The following RAMP3 variants were observed in gnomAD, a reference collection of about 807,000 sequenced individuals.
The protein encoded by RAMP3 is receptor activity modifying protein 3.
RAMP3 carries 14 observed loss-of-function variants against 13.5 expected under a neutral mutation model. The ratio of observed to expected loss-of-function variants is 1.04; its 90% confidence interval spans 0.69 to 1.63. RAMP3 has a LOEUF of 1.63. Ranked by LOEUF, RAMP3 falls within the 40% of genes most tolerant of loss-of-function variation. The pLI is 0.00. For missense variants in RAMP3, 200 were observed against 204.8 expected (o/e 0.98, Z 0.14); for synonymous variants, 106 against 88.3 (o/e 1.20, Z -1.12).
intron 1 of RAMP3, among the ~76,000 whole-genome samples, chr7:45,168,927 T>C (rs1584069049): frequency 1.3e-5 from 2 of 152,202 alleles, no homozygotes; most frequent in African/African-American, 4.8e-5. Context: ...GTCATTATCA[T>C]GTTGAGGAAA....
intron 1 of RAMP3, chr7:45,163,499 A>G (rs1785901823): frequency 2.0e-6 from 2 of 985,308 alleles, no homozygotes. Context: ...CTGATTGTGG[A>G]GGAAGAGGGG....
intron 1 of RAMP3, among the ~76,000 whole-genome samples, chr7:45,175,225 G>T (rs1257147665): frequency 6.6e-6 from 1 of 152,188 alleles, no homozygotes; most frequent in Admixed American, 6.5e-5. Flanking sequence ...TGGCCAGAAG[G>T]CCCTGAAACA....
chr7:45,183,112 G>C (rs375302277), intron 2 of RAMP3, 45 bp from the exon 3 acceptor site: 33 of 1,599,138 alleles, frequency 2.1e-5, no homozygotes, highest in Non-Finnish European at 2.8e-5. Context: ...GCAGGTGTGA[G>C]GGGGGATGGC....
intron 2 of RAMP3, among the ~76,000 whole-genome samples, chr7:45,182,648 C>A (rs1186178100): frequency 1.3e-5 from 2 of 152,192 alleles, no homozygotes; most frequent in African/African-American, 4.8e-5. Context: ...GGGACTGGGG[C>A]TCACAGGTCT....
intron 1 of RAMP3, among the ~76,000 whole-genome samples, chr7:45,169,987 A>G (rs752832405): frequency 4.6e-5 from 7 of 152,240 alleles, no homozygotes; most frequent in Non-Finnish European, 8.8e-5. Context: ...TTGTTGGCAT[A>G]TAGCAGTTCA....
At position 45,164,320 on chromosome 7, in the gene RAMP3, G is replaced by A. The variant is rs138651195; in HGVS notation, c.58+6434G>A. 2.0e-3 allele frequency among the ~76,000 whole-genome samples: 301 copies of A among 152,300 alleles called. 1 individual carries two copies. The highest frequency in any genetic ancestry group is 6.9e-3 in the African/African-American group (286 of 41,552). The stretch of plus-strand genomic sequence containing the variant: ...TTCCAGCACTTTGGGAGGCCAAGGC[G>A]AGAGGATCACTGGAGCCTAGCCTGG... On this transcript the variant is annotated intron_variant, in intron 1 of 2. Transcript: ENST00000242249.
In RAMP3 at chr7:45,168,809, A is replaced by C. The variant is rs1786025434; in HGVS notation, c.59-8500A>C. 2.6e-5 allele frequency among the ~76,000 whole-genome samples: 4 copies of C among 152,180 alleles called. No individual in the cohort carries two copies. The South Asian group carries it at 8.3e-4, about 32-fold the overall frequency. On this transcript the variant is annotated intron_variant, in intron 1 of 2. Transcript: ENST00000242249. ...GCTCTGGCTAGAACTTCCAGTAATT[A>C]TGTTGAATAGAAGTGGTGAAACCTG...
chr7:45,174,049 C>G (rs1010306084), intron 1 of RAMP3, among the ~76,000 whole-genome samples: 12 of 152,056 alleles, frequency 7.9e-5, no homozygotes, highest in African/African-American at 2.9e-4. Flanking sequence ...GCACTCCCAG[C>G]TGAGGAAATG....
intron 1 of RAMP3, among the ~76,000 whole-genome samples, chr7:45,167,772 G>C (rs1419283662): frequency 6.6e-6 from 1 of 151,814 alleles, no homozygotes; most frequent in East Asian, 2.0e-4. Flanking sequence ...TTTTAGTAGA[G>C]ACGGGGTTTC....
chr7:45,168,335 G>A (rs1340960793), intron 1 of RAMP3, among the ~76,000 whole-genome samples: 1 of 148,548 alleles, frequency 6.7e-6, no homozygotes, highest in African/African-American at 2.5e-5. Context: ...GAACCTGGGA[G>A]GCAGAGGTTC....
At chr7:45,173,316 T>C (rs984411616) in intron 1 of RAMP3, among the ~76,000 whole-genome samples, 2 of 152,212 alleles carry the variant, frequency 1.3e-5, no homozygotes, top group Non-Finnish European at 2.9e-5. Flanking sequence ...TCTACAAGGA[T>C]ATAGTGAGGC....
intron 2 of RAMP3, among the ~76,000 whole-genome samples, chr7:45,178,570 C>T (rs1294936): frequency 0.4 from 60,355 of 152,112 alleles, 13,658 homozygotes; most frequent in Admixed American, 0.51. Context: ...TGTGGGGGAA[C>T]TGCTTGCTGA....
At chr7:45,163,457 C>T in intron 1 of RAMP3, 3 of 985,376 alleles carry the variant, frequency 3.0e-6, no homozygotes, top group Non-Finnish European at 3.6e-6. Flanking sequence ...CTGCTGGTGT[C>T]CAGGAAGGAG....
intron 1 of RAMP3, among the ~76,000 whole-genome samples, chr7:45,165,505 G>A (rs1898954): frequency 0.26 from 39,412 of 152,054 alleles, 6,136 homozygotes; most frequent in African/African-American, 0.43. Flanking sequence ...GTTTGAAAAA[G>A]TTTTTATTAT....
chr7:45,170,751 T>A, intron 1 of RAMP3, among the ~76,000 whole-genome samples: 1 of 152,106 alleles, frequency 6.6e-6, no homozygotes, highest in East Asian at 1.9e-4. Context: ...GCTCAAGTGT[T>A]CCTCCCACCT....
At chr7:45,180,774 C>G (rs4724372) in intron 2 of RAMP3, among the ~76,000 whole-genome samples, 1 of 152,220 alleles carries the variant, frequency 6.6e-6, no homozygotes, top group Non-Finnish European at 1.5e-5. Flanking sequence ...TGCCCGGCTT[C>G]CAGCCTGCTG....
At chr7:45,178,536 G>A (rs1443909763) in intron 2 of RAMP3, among the ~76,000 whole-genome samples, 1 of 152,270 alleles carries the variant, frequency 6.6e-6, no homozygotes, top group East Asian at 1.9e-4. Flanking sequence ...GCTTCTTGAG[G>A]CTGTCACATC....
At chr7:45,182,866 T>G (rs1027052131) in intron 2 of RAMP3, among the ~76,000 whole-genome samples, 1 of 152,118 alleles carries the variant, frequency 6.6e-6, no homozygotes, top group Non-Finnish European at 1.5e-5. Flanking sequence ...ACCTGCGTAG[T>G]GCTTAGAGGT....
At chr7:45,172,605 A>C (rs545741437) in intron 1 of RAMP3, among the ~76,000 whole-genome samples, 2 of 152,292 alleles carry the variant, frequency 1.3e-5, no homozygotes, top group Non-Finnish European at 2.9e-5. Flanking sequence ...CTTCCCGAGT[A>C]GGTGGGACCA....
Sources: gnomAD v4.1 joint callset for allele counts (sites outside exome capture counted in the v4.1 genomes callset) on GRCh38, gnomAD v4.1.1 for gene constraint, MANE v1.5 for transcripts, NCBI Gene and HGNC (gene_info 2026-07-23, HGNC 2026-07-21) for gene names.